Variants in DCAF8L2 observed in about 807,000 individuals in gnomAD.
DCAF8L2 encodes DDB1- and CUL4-associated factor 8-like protein 2.
For synonymous variants in DCAF8L2, 200 were observed against 190.9 expected (o/e 1.05, Z -0.39); for missense variants, 430 against 490.7 (o/e 0.88, Z 1.17).
At chrX:27,692,594 C>G (rs1056250034) in intron 3 of DCAF8L2, among the ~76,000 whole-genome samples, 1 of 111,836 alleles carries the variant, frequency 8.9e-6, no homozygotes, top group Non-Finnish European at 1.9e-5. Context: ...CACAATGTTG[C>G]TTCTCTGTGA....
chrX:27,571,035 A>G, the DCAF8L2 span, among the ~76,000 whole-genome samples: 22 of 111,814 alleles, frequency 2.0e-4, no homozygotes, highest in Admixed American at 4.8e-4. Context: ...ATCCATTTCA[A>G]TATAAGTCAT....
chrX:27,528,550 A>C, the DCAF8L2 span, among the ~76,000 whole-genome samples: 64 of 105,817 alleles, frequency 6.0e-4, no homozygotes, highest in Admixed American at 1.8e-3. Flanking sequence ...GTACAAGTTT[A>C]ATGTTTATAA....
chrX:27,661,419 C>T (rs1929554303), intron 2 of DCAF8L2, among the ~76,000 whole-genome samples: 2 of 111,382 alleles, frequency 1.8e-5, no homozygotes, highest in Non-Finnish European at 3.8e-5. Flanking sequence ...ATCGATCTGT[C>T]GTTTTGGTAC....
the DCAF8L2 span, among the ~76,000 whole-genome samples, chrX:27,533,162 GAGAGAAAGAA>G: frequency 2.7e-3 from 44 of 16,293 alleles, 2 homozygotes; most frequent in Admixed American, 0.013. Flanking sequence ...GAGAGAGAGA[GAGAGAAAGAA>G]AGAAAGAAAG....
chrX:27,473,475 C>T, the DCAF8L2 span, among the ~76,000 whole-genome samples: 1 of 106,919 alleles, frequency 9.4e-6, no homozygotes, highest in Admixed American at 1.0e-4. Context: ...GTTTTACTTT[C>T]TTCCTATTCT....
the DCAF8L2 span, among the ~76,000 whole-genome samples, chrX:27,577,786 AC>A: frequency 9.0e-6 from 1 of 111,143 alleles, no homozygotes; most frequent in Non-Finnish European, 1.9e-5. Context: ...ATATGAATGA[AC>A]TCCTCTTCAC....
intron 4 of DCAF8L2, among the ~76,000 whole-genome samples, chrX:27,741,843 C>G (rs1921869338): frequency 8.9e-6 from 1 of 111,931 alleles, no homozygotes; most frequent in Non-Finnish European, 1.9e-5. Flanking sequence ...CACAGATCAT[C>G]AAAACATAGT....
intron 1 of DCAF8L2, among the ~76,000 whole-genome samples, chrX:27,610,220 C>T (rs1048545983): frequency 6.3e-5 from 7 of 110,942 alleles, no homozygotes; most frequent in African/African-American, 1.6e-4. Context: ...ACTCTTAAGA[C>T]GAAATACTTG....
chrX:27,593,571 A>T (rs1189638130), intron 1 of DCAF8L2, among the ~76,000 whole-genome samples: 1 of 111,686 alleles, frequency 9.0e-6, no homozygotes, highest in Non-Finnish European at 1.9e-5. Flanking sequence ...GCAGCCTCAC[A>T]CTTGCCTTTT....
the DCAF8L2 span, among the ~76,000 whole-genome samples, chrX:27,548,274 C>A: frequency 9.0e-6 from 1 of 111,102 alleles, no homozygotes; most frequent in East Asian, 2.8e-4. Flanking sequence ...TATTCAGGGT[C>A]TACCAATGAT....
chrX:27,586,768 TTTA>T (rs1925912299), upstream of DCAF8L2, among the ~76,000 whole-genome samples: 1 of 110,992 alleles, frequency 9.0e-6, no homozygotes, highest in Non-Finnish European at 1.9e-5. Flanking sequence ...TTTTAGATGG[TTTA>T]AATTCCTGGT....
At chrX:27,599,938 C>A (rs979977133) in intron 1 of DCAF8L2, among the ~76,000 whole-genome samples, 6 of 112,038 alleles carry the variant, frequency 5.4e-5, no homozygotes, top group Non-Finnish European at 7.5e-5. Context: ...ATAATAACAT[C>A]TTTACGAAAA....
chrX:27,609,505 A>G (rs1001628509), intron 1 of DCAF8L2, among the ~76,000 whole-genome samples: 3 of 111,185 alleles, frequency 2.7e-5, no homozygotes, highest in Admixed American at 9.7e-5. Flanking sequence ...ACAAACCACA[A>G]TAATTCCTGT....
the DCAF8L2 span, among the ~76,000 whole-genome samples, chrX:27,506,995 T>C: frequency 1.3e-4 from 14 of 111,509 alleles, no homozygotes; most frequent in African/African-American, 4.2e-4. Flanking sequence ...CTTTGTCTTA[T>C]ACAATCTTTT....
chrX:27,629,391 G>A lies in DCAF8L2; in HGVS notation c.-341-2488G>A, dbSNP rs150435470. 6.6e-4 allele frequency among the ~76,000 whole-genome samples: 73 copies of A among 111,313 alleles called. 1 individual carries two copies. The East Asian group carries it at 0.02, about 30-fold the overall frequency. On this transcript the variant is annotated intron_variant, in intron 1 of 4. Coordinates refer to ENST00000451261, the MANE Select transcript of DCAF8L2 (RefSeq NM_001353450.2). ...AGCTGATTTTAGTGTATGGTTTAAA[G>A]TAGAGGTTAAATTTCTTTCTCTCTC...
At chrX:27,551,353 C>T in the DCAF8L2 span, among the ~76,000 whole-genome samples, 1 of 110,446 alleles carries the variant, frequency 9.1e-6, no homozygotes, top group East Asian at 2.8e-4. Context: ...AAGATTATGA[C>T]TCACCAAAGG....
At chrX:27,616,146 T>A (rs1927465533) in intron 1 of DCAF8L2, among the ~76,000 whole-genome samples, 1 of 111,179 alleles carries the variant, frequency 9.0e-6, no homozygotes, top group Non-Finnish European at 1.9e-5. Flanking sequence ...AATAAAAAAA[T>A]AGATATGAAA....
At chrX:27,621,016 A>C (rs1161458487) in intron 1 of DCAF8L2, among the ~76,000 whole-genome samples, 1 of 112,226 alleles carries the variant, frequency 8.9e-6, no homozygotes, top group African/African-American at 3.2e-5. Flanking sequence ...CGTATGCTAC[A>C]ACATGGATGA....
chrX:27,490,803 T>A, the DCAF8L2 span, among the ~76,000 whole-genome samples: 61 of 111,463 alleles, frequency 5.5e-4, no homozygotes, highest in African/African-American at 1.9e-3. Context: ...ATACTAGATA[T>A]TTCATACAAT....
Sources: gnomAD v4.1 joint callset for allele counts (sites outside exome capture counted in the v4.1 genomes callset) on GRCh38, gnomAD v4.1.1 for gene constraint, MANE v1.5 for transcripts, NCBI Gene and HGNC (gene_info 2026-07-23, HGNC 2026-07-21) for gene names.